R3HDM1: variants seen among roughly 807,000 people sequenced by gnomAD.
R3HDM1 encodes the protein R3H domain-containing protein 1.
R3HDM1 carries 46 observed loss-of-function variants against 141.1 expected under a neutral mutation model. The ratio of observed to expected loss-of-function variants is 0.33; its 90% CI spans 0.26 to 0.42. R3HDM1 has a LOEUF of 0.42. R3HDM1 is among the 10% of genes least tolerant of loss of function. The pLI is 1.00. For synonymous variants in R3HDM1, 435 were observed against 472.9 expected, an observed-to-expected ratio of 0.92 and a Z score of 1.04; for missense variants, 1,184 against 1,368.3, an observed-to-expected ratio of 0.87 and a Z score of 2.12.
intron 11 of R3HDM1, among the ~76,000 whole-genome samples, chr2:135,637,716 A>G (rs1448083731): frequency 1.3e-5 from 2 of 152,170 alleles, no homozygotes; most frequent in Non-Finnish European, 2.9e-5. Context: ...TTGGAAAAAT[A>G]ATCAGAAATG....
At chr2:135,579,535 C>CA (rs1162733377) in intron 1 of R3HDM1, among the ~76,000 whole-genome samples, 2 of 143,750 alleles carry the variant, frequency 1.4e-5, no homozygotes, top group Non-Finnish European at 3.0e-5. Context: ...TTTTCAAGGT[C>CA]ACAAAATATC....
At chr2:135,699,075 TTAGATAGA>T (rs59211429) in intron 21 of R3HDM1, among the ~76,000 whole-genome samples, 11 of 132,020 alleles carry the variant, frequency 8.3e-5, no homozygotes, top group South Asian at 2.4e-4. Context: ...ATTAGATAGA[TTAGATAGA>T]TAGATAGATA....
chr2:135,541,158 G>C (rs540649435), intron 1 of R3HDM1, among the ~76,000 whole-genome samples: 1 of 152,162 alleles, frequency 6.6e-6, no homozygotes, highest in East Asian at 1.9e-4. Flanking sequence ...TTTTCAGAAG[G>C]TTAAATGAGC....
chr2:135,719,555 A>C (rs1210781244), intron 24 of R3HDM1, among the ~76,000 whole-genome samples: 1 of 152,182 alleles, frequency 6.6e-6, no homozygotes, highest in Non-Finnish European at 1.5e-5. Context: ...TAAAATGCTG[A>C]GATTTGCTTT....
At chr2:135,559,528 A>G (rs561169239) in intron 1 of R3HDM1, among the ~76,000 whole-genome samples, 66 of 152,274 alleles carry the variant, frequency 4.3e-4, no homozygotes, top group Non-Finnish European at 6.6e-4. Context: ...TCTAATTTAT[A>G]CTATTTTTGT....
At chr2:135,627,442 T>C (rs1356715353) in intron 7 of R3HDM1, among the ~76,000 whole-genome samples, 1 of 152,180 alleles carries the variant, frequency 6.6e-6, no homozygotes, top group Admixed American at 6.5e-5. Context: ...CTGGAATTTC[T>C]GGGTGTCTGC....
At chr2:135,659,600 G>C (rs2066425443) in intron 18 of R3HDM1, among the ~76,000 whole-genome samples, 1 of 151,938 alleles carries the variant, frequency 6.6e-6, no homozygotes, top group East Asian at 1.9e-4. Context: ...TCCACACCTA[G>C]CTAATTTTTT....
intron 1 of R3HDM1, among the ~76,000 whole-genome samples, chr2:135,585,175 ATT>A (rs2105041426): frequency 6.6e-6 from 1 of 152,312 alleles, no homozygotes; most frequent in Non-Finnish European, 1.5e-5. Flanking sequence ...TTGTTTGAAG[ATT>A]TAGGAAGATT....
chr2:135,630,225 C>T (rs918431849), intron 7 of R3HDM1, among the ~76,000 whole-genome samples: 4 of 134,854 alleles, frequency 3.0e-5, no homozygotes, highest in South Asian at 2.3e-4. Flanking sequence ...AGTAGTGAGC[C>T]GAGATTGTGC....
chr2:135,552,543 G>A (rs188353612), intron 1 of R3HDM1, among the ~76,000 whole-genome samples: 1 of 152,258 alleles, frequency 6.6e-6, no homozygotes, highest in Non-Finnish European at 1.5e-5. Context: ...TCAACAACCA[G>A]TGATAGCTTC....
chr2:135,563,471 G>T (rs1008821701), intron 1 of R3HDM1, among the ~76,000 whole-genome samples: 1 of 152,110 alleles, frequency 6.6e-6, no homozygotes, highest in South Asian at 2.1e-4. Flanking sequence ...CTTCCTTTCG[G>T]TAAGGGTGAT....
At chr2:135,541,595 G>C (rs1249243496) in intron 1 of R3HDM1, among the ~76,000 whole-genome samples, 1 of 152,112 alleles carries the variant, frequency 6.6e-6, no homozygotes, top group Non-Finnish European at 1.5e-5. Context: ...CCAGTTGGTG[G>C]TGCAATCAGA....
rs3769019 is a variant in R3HDM1 at position 135,661,124 on chromosome 2, A to T, written c.2029-146A>T. 1,133 of 1,050,688 alleles carry T rather than the reference A, an allele frequency of 1.1e-3. 20 individuals carry two copies. The East Asian group carries it at 0.025, about 23-fold the overall frequency. 65.1% of individuals were successfully genotyped at this position (1,050,688 alleles called of 1,614,324 possible). ...TGCATACTTTGTTTGAATTTTTTTT[A>T]AATTTCAGTTAAATTTAAGAAAAAT... On this transcript the variant is annotated intron_variant, in intron 18 of 26. Coordinates refer to ENST00000683871, the MANE Select transcript of R3HDM1 (RefSeq NM_001378107.1).
chr2:135,714,926 G>C (rs538920225), intron 23 of R3HDM1, among the ~76,000 whole-genome samples: 1 of 152,260 alleles, frequency 6.6e-6, no homozygotes, highest in South Asian at 2.1e-4. Context: ...GAGTGAGTTC[G>C]CTGTATGTAT....
intron 1 of R3HDM1, among the ~76,000 whole-genome samples, chr2:135,563,426 T>C (rs776344764): frequency 1.3e-5 from 2 of 152,262 alleles, no homozygotes; most frequent in Non-Finnish European, 2.9e-5. Flanking sequence ...TGATCCACTG[T>C]CAATTCTGCA....
chr2:135,562,116 C>T (rs1701912592), intron 1 of R3HDM1, among the ~76,000 whole-genome samples: 1 of 152,184 alleles, frequency 6.6e-6, no homozygotes, highest in African/African-American at 2.4e-5. Context: ...GCCCATTGCA[C>T]AATATCTCAT....
chr2:135,596,173 A>G (rs1456356895), intron 1 of R3HDM1, among the ~76,000 whole-genome samples: 4 of 151,670 alleles, frequency 2.6e-5, no homozygotes, highest in Non-Finnish European at 5.9e-5. Flanking sequence ...TAATTTTTGT[A>G]TTTTAGTAGA....
At chr2:135,642,074 C>T (rs566690976) in intron 15 of R3HDM1, among the ~76,000 whole-genome samples, 1 of 152,164 alleles carries the variant, frequency 6.6e-6, no homozygotes, top group Admixed American at 6.5e-5. Context: ...CAACTACCCA[C>T]GAAAGAGCTT....
At chr2:135,591,333 A>G (rs1029839199) in intron 1 of R3HDM1, among the ~76,000 whole-genome samples, 6 of 152,194 alleles carry the variant, frequency 3.9e-5, no homozygotes, top group Admixed American at 2.0e-4. Flanking sequence ...ATTTAGTTAT[A>G]TATTAGTAGG....
Sources: gnomAD v4.1 joint callset for allele counts (sites outside exome capture counted in the v4.1 genomes callset) on GRCh38, gnomAD v4.1.1 for gene constraint, MANE v1.5 for transcripts, NCBI Gene and HGNC (gene_info 2026-07-23, HGNC 2026-07-21) for gene names.